The following ARHGAP22 variants were observed in gnomAD, a reference collection of about 807,000 sequenced individuals.
ARHGAP22 encodes the protein Rho GTPase activating protein 22, also known as rho GTPase-activating protein 22.
In ARHGAP22, 48 loss-of-function variants were observed where a neutral mutation model predicts 59.1. That is an observed-to-expected ratio of 0.81 (90% CI 0.64 to 1.03). The LOEUF (loss-of-function observed/expected upper bound fraction) is 1.03. ARHGAP22 is among the 50% of genes least tolerant of loss of function. The pLI is 0.00. For missense variants in ARHGAP22, 1,015 were observed against 958.7 expected (o/e 1.06, Z -0.78); for synonymous variants, 445 against 416.4 (o/e 1.07, Z -0.84).
intron 2 of ARHGAP22, among the ~76,000 whole-genome samples, chr10:48,560,601 A>T (rs1426314587): frequency 2.6e-5 from 4 of 152,114 alleles, no homozygotes; most frequent in African/African-American, 9.7e-5. Context: ...AACAGCTTTT[A>T]GTCTTTCACC....
At chr10:48,508,601 C>CA (rs1303264684) in intron 3 of ARHGAP22, among the ~76,000 whole-genome samples, 1 of 152,066 alleles carries the variant, frequency 6.6e-6, no homozygotes, top group Non-Finnish European at 1.5e-5. Flanking sequence ...TGGGAAAAGA[C>CA]AAAAAAATGG....
In ARHGAP22 at chr10:48,450,699, C is replaced by T. The variant is rs747298475; in HGVS notation, c.1430G>A (p.Gly477Glu). The change falls in exon 9 of 10, where the codon GGA becomes GAA. Residue 477 changes from glycine (G) to glutamate (E), a missense_variant. Gly to Glu is a moderately conservative substitution (Grantham distance 98, BLOSUM62 -2). Transcript: ENST00000249601. ...GGAGCCCGAGTCCTTGAGCCGGTCTCCCGACGAGGCCCGGCGGTGTCCGCG... is the reference window on the plus strand; with the variant it reads ...GGAGCCCGAGTCCTTGAGCCGGTCTTCCGACGAGGCCCGGCGGTGTCCGCG... Reference protein sequence around the residue: ...SLRGHRRASSGDRLKDSGSVQ... With the variant: ...SLRGHRRASSEDRLKDSGSVQ... 7.1e-6 allele frequency: 11 copies of T among 1,552,284 alleles called. 1 individual carries two copies. In the South Asian group the frequency reaches 1.2e-4, roughly 17 times the overall value.
chr10:48,486,680 T>C (rs1314754919), intron 3 of ARHGAP22, among the ~76,000 whole-genome samples: 7 of 152,260 alleles, frequency 4.6e-5, no homozygotes, highest in African/African-American at 1.7e-4. Context: ...CCCATGTAGT[T>C]ACCACAGTGC....
intron 1 of ARHGAP22, among the ~76,000 whole-genome samples, chr10:48,645,535 A>G (rs1029944334): frequency 7.2e-5 from 11 of 152,316 alleles, no homozygotes; most frequent in African/African-American, 2.4e-4. Flanking sequence ...AGAATAAAGG[A>G]CAAAACCCAT....
At chr10:48,435,112 T>C in the ARHGAP22 span, 1 of 1,060,936 alleles carries the variant, frequency 9.4e-7, no homozygotes, top group Middle Eastern at 3.2e-4. Flanking sequence ...TCAGTGGTCT[T>C]ATTTTTGGGT....
intron 4 of ARHGAP22, among the ~76,000 whole-genome samples, chr10:48,472,529 TAAAATAAAATAAAATAAAAC>T: frequency 6.6e-6 from 1 of 151,852 alleles, no homozygotes; most frequent in South Asian, 2.1e-4. Flanking sequence ...GTCTCAAAAA[TAAAATAAAATAAAATAAAAC>T]AAAATAAAAT....
At chr10:48,454,789 A>T in intron 6 of ARHGAP22, among the ~76,000 whole-genome samples, 1 of 151,898 alleles carries the variant, frequency 6.6e-6, no homozygotes, top group South Asian at 2.1e-4. Flanking sequence ...AGACAGCAGG[A>T]TTCCCCAGCC....
chr10:48,528,234 G>A (rs1407420795), intron 3 of ARHGAP22, among the ~76,000 whole-genome samples: 1 of 152,120 alleles, frequency 6.6e-6, no homozygotes, highest in Non-Finnish European at 1.5e-5. Context: ...GCAGGAGTCT[G>A]GATTGCTCCT....
At chr10:48,645,022 C>T (rs550851814) in intron 1 of ARHGAP22, among the ~76,000 whole-genome samples, 1 of 152,028 alleles carries the variant, frequency 6.6e-6, no homozygotes, top group South Asian at 2.1e-4. Flanking sequence ...AATGGAAAAG[C>T]CTTTATCTGG....
At chr10:48,533,178 G>GTTTT (rs762223101) in intron 3 of ARHGAP22, among the ~76,000 whole-genome samples, 1 of 135,822 alleles carries the variant, frequency 7.4e-6, no homozygotes. Flanking sequence ...TCATTGTTCT[G>GTTTT]TTGTTTTTTT....
At chr10:48,550,068 C>T (rs1172932436) in intron 3 of ARHGAP22, among the ~76,000 whole-genome samples, 3 of 152,240 alleles carry the variant, frequency 2.0e-5, no homozygotes, top group African/African-American at 7.2e-5. Flanking sequence ...AGGAGACACA[C>T]AGACCCCGTG....
rs1029588167 is a variant in ARHGAP22 at position 48,455,132 on chromosome 10, G to T, written c.662C>A (p.Thr221Lys). 2 of 1,607,596 alleles carry T rather than the reference G, an allele frequency of 1.2e-6. No homozygotes were observed. The highest frequency in any genetic ancestry group is 1.7e-6 in the Non-Finnish European group (2 of 1,176,566). ...GGAGGCCACCGTGTGCACGTCTGTTGTGCTGTGGGGGGGAAGAGGACAGGT... is the reference window on the plus strand; with the variant it reads ...GGAGGCCACCGTGTGCACGTCTGTTTTGCTGTGGGGGGGAAGAGGACAGGT... The part of the protein sequence containing the change: ...DCGEKPLFDS[T>K]TDVHTVASLL... Residue 221 changes from threonine to lysine, a missense_variant and splice_region_variant, in exon 6 of 10, where the codon ACA becomes AAA. Thr to Lys is a moderately conservative substitution (Grantham distance 78, BLOSUM62 -1). Transcript: ENST00000249601.
chr10:48,498,207 G>A (rs576371577), intron 3 of ARHGAP22, among the ~76,000 whole-genome samples: 4 of 152,214 alleles, frequency 2.6e-5, no homozygotes, highest in East Asian at 1.9e-4. Flanking sequence ...AGCAGGACAC[G>A]GCCCAGATGA....
At chr10:48,640,139 T>C (rs909939318) in intron 1 of ARHGAP22, among the ~76,000 whole-genome samples, 3 of 152,134 alleles carry the variant, frequency 2.0e-5, no homozygotes, top group African/African-American at 7.2e-5. Context: ...CAGGTGAATG[T>C]AAAGACAGAG....
intron 1 of ARHGAP22, among the ~76,000 whole-genome samples, chr10:48,601,368 C>G (rs966156089): frequency 2.0e-5 from 3 of 152,318 alleles, no homozygotes; most frequent in South Asian, 4.1e-4. Flanking sequence ...AGTCCTGCAG[C>G]CTTGGGGCAA....
chr10:48,437,607 TTG>T, the ARHGAP22 span: 3 of 152,180 alleles, frequency 2.0e-5, no homozygotes, highest in Non-Finnish European at 4.4e-5. Context: ...TGTAAAACCA[TTG>T]TGTTGTTGGG....
At chr10:48,579,614 G>A (rs1415996807) in intron 2 of ARHGAP22, among the ~76,000 whole-genome samples, 2 of 152,216 alleles carry the variant, frequency 1.3e-5, no homozygotes, top group African/African-American at 4.8e-5. Context: ...CAGCAAGATG[G>A]GGAGAGGGGA....
At chr10:48,461,331 C>A (rs2047115203) in intron 4 of ARHGAP22, among the ~76,000 whole-genome samples, 1 of 152,198 alleles carries the variant, frequency 6.6e-6, no homozygotes, top group Admixed American at 6.5e-5. Flanking sequence ...GGCTCAAAGG[C>A]TTCTGGGGTC....
At chr10:48,468,689 AT>A (rs1564711021) in intron 4 of ARHGAP22, among the ~76,000 whole-genome samples, 1 of 152,158 alleles carries the variant, frequency 6.6e-6, no homozygotes, top group East Asian at 1.9e-4. Context: ...ATTCATGTTC[AT>A]TTTTTAAAAG....
Sources: allele counts gnomAD v4.1 joint callset (sites outside exome capture counted in the v4.1 genomes callset), GRCh38; gene constraint gnomAD v4.1.1; transcripts MANE v1.5; gene names NCBI Gene and HGNC (gene_info 2026-07-23, HGNC 2026-07-21).